Variants in ANGPT2 observed in about 807,000 individuals in gnomAD.
ANGPT2 encodes angiopoietin 2, also known as angiopoietin-2.
In ANGPT2, 28 loss-of-function variants were observed where a neutral mutation model predicts 62.9. The ratio of observed to expected loss-of-function variants is 0.44; its 90% CI spans 0.33 to 0.61. ANGPT2 has a LOEUF of 0.61. Ranked by LOEUF, ANGPT2 falls within the 20% of genes least tolerant of loss-of-function variation. The probability of loss-of-function intolerance (pLI) is 0.03; values close to 1 mark genes in which losing one functional copy is unlikely to be tolerated. For synonymous variants in ANGPT2, 284 were observed against 207.8 expected, an observed-to-expected ratio of 1.37 and a Z score of -3.15; for missense variants, 727 against 594.9, an observed-to-expected ratio of 1.22 and a Z score of -2.31.
chr8:6,536,583 C>T (rs142042260), intron 1 of ANGPT2, among the ~76,000 whole-genome samples: 1 of 152,112 alleles, frequency 6.6e-6, no homozygotes, highest in African/African-American at 2.4e-5. Context: ...AGCATCCTGA[C>T]AAAAGAATCT....
intron 1 of ANGPT2, among the ~76,000 whole-genome samples, chr8:6,556,434 A>C (rs895646960): frequency 2.0e-5 from 3 of 152,072 alleles, no homozygotes; most frequent in African/African-American, 7.2e-5. Context: ...TGTAGTGACC[A>C]AGGACTTAAC....
intron 1 of ANGPT2, among the ~76,000 whole-genome samples, chr8:6,546,660 GATAA>G (rs1228679698): frequency 1.3e-5 from 2 of 152,122 alleles, no homozygotes; most frequent in Non-Finnish European, 2.9e-5. Flanking sequence ...TTGGCCTAGA[GATAA>G]ATAGAGAAAA....
Position 6,500,088 on chromosome 8 carries a change from C to T in ANGPT2, c.*3013G>A, listed in dbSNP as rs908836693. 8.9e-6 allele frequency: 6 copies of T among 677,482 alleles called. No individual in the cohort carries two copies. Among genetic ancestry groups the T allele is most frequent in the African/African-American group, 7.1e-5 (4 of 56,028 alleles). 42.0% of individuals were successfully genotyped at this position (677,482 alleles called of 1,614,324 possible). On this transcript the variant is annotated 3_prime_UTR_variant, in exon 9 of 9. Transcript: ENST00000629816. ...ACTTAACACCTTTTATCAATTTATT[C>T]GCGAGAACAAATGTGAGAACGTGAG...
chr8:6,526,859 C>G (rs1166976454), intron 3 of ANGPT2, among the ~76,000 whole-genome samples: 2 of 152,150 alleles, frequency 1.3e-5, no homozygotes, highest in Non-Finnish European at 2.9e-5. Context: ...CATATGAAAA[C>G]AGTCCCCACC....
At chr8:6,540,127 C>G (rs1430833865) in intron 1 of ANGPT2, among the ~76,000 whole-genome samples, 2 of 152,202 alleles carry the variant, frequency 1.3e-5, no homozygotes, top group African/African-American at 2.4e-5. Flanking sequence ...TGTGCTCTGG[C>G]AAATCCTATC....
intron 1 of ANGPT2, among the ~76,000 whole-genome samples, chr8:6,558,385 C>G (rs1194615637): frequency 1.3e-5 from 2 of 152,118 alleles, no homozygotes; most frequent in Non-Finnish European, 2.9e-5. Flanking sequence ...TTAAATTACT[C>G]CCATGGCGGT....
intron 1 of ANGPT2, among the ~76,000 whole-genome samples, chr8:6,552,811 C>A (rs1823887896): frequency 7.1e-6 from 1 of 141,118 alleles, no homozygotes; most frequent in Non-Finnish European, 1.5e-5. Flanking sequence ...TACAGTTATT[C>A]CTGCTTTTTT....
chr8:6,520,089 G>T, intron 4 of ANGPT2, 98 bp from the exon 5 acceptor site: 3 of 1,406,950 alleles, frequency 2.1e-6, no homozygotes, highest in Non-Finnish European at 9.6e-7. Flanking sequence ...TTATTACTTT[G>T]GAATTCTTAA....
chr8:6,506,203 C>G (rs1586198483), intron 8 of ANGPT2, among the ~76,000 whole-genome samples: 1 of 151,858 alleles, frequency 6.6e-6, no homozygotes, highest in Admixed American at 6.6e-5. Context: ...ATATTCAGGA[C>G]TTTGACAGAT....
chr8:6,509,522 G>A (rs1048908215), intron 7 of ANGPT2, among the ~76,000 whole-genome samples: 4 of 152,168 alleles, frequency 2.6e-5, no homozygotes, highest in African/African-American at 9.6e-5. Context: ...TGAGTTTGGG[G>A]AAGAAATCTA....
chr8:6,504,361 T>C (rs1054583665), intron 8 of ANGPT2, among the ~76,000 whole-genome samples: 3 of 149,230 alleles, frequency 2.0e-5, no homozygotes, highest in Non-Finnish European at 4.4e-5. Context: ...TTAAATTGCA[T>C]GCCGTTCTGA....
At chr8:6,516,610 T>C (rs992075606) in intron 5 of ANGPT2, among the ~76,000 whole-genome samples, 18 of 152,234 alleles carry the variant, frequency 1.2e-4, no homozygotes, top group African/African-American at 4.1e-4. Flanking sequence ...CTTCTATCAA[T>C]ATTTCTTTTT....
At chr8:6,543,686 T>C (rs568768084) in intron 1 of ANGPT2, among the ~76,000 whole-genome samples, 94 of 152,322 alleles carry the variant, frequency 6.2e-4, no homozygotes, top group Middle Eastern at 3.4e-3. Flanking sequence ...GTTCGTGCTT[T>C]TCTGAACTAT....
chr8:6,499,982 A>G lies in ANGPT2; in HGVS notation c.*3119T>C. On this transcript the variant is annotated 3_prime_UTR_variant, in exon 9 of 9. Coordinates refer to ENST00000629816, the MANE Select transcript of ANGPT2 (RefSeq NM_001118887.2). ...AAATGCAGTTTGCTGTTCTCAAGAA[A>G]TTATTATAAACATAAGGGTGGACTT... 3 of 1,479,002 alleles carry G rather than the reference A, an allele frequency of 2.0e-6. No homozygotes were observed. In the South Asian group the frequency reaches 3.4e-5, roughly 17 times the overall value. 91.6% of individuals were successfully genotyped at this position (1,479,002 alleles called of 1,614,324 possible).
intron 1 of ANGPT2, among the ~76,000 whole-genome samples, chr8:6,540,613 GAT>G (rs1204949335): frequency 2.0e-5 from 3 of 152,228 alleles, no homozygotes; most frequent in Non-Finnish European, 4.4e-5. Context: ...TGCATATATA[GAT>G]ATATACACAG....
At position 6,500,917 on chromosome 8, in the gene ANGPT2, T is replaced by C. The variant is rs1812049015; in HGVS notation, c.*2184A>G. The C allele has an allele frequency of 6.6e-6, 1 of 152,208 alleles. No homozygotes were observed. The highest frequency in any genetic ancestry group is 1.5e-5 in the Non-Finnish European group (1 of 68,038). The allele number at this position is 152,208 out of a possible 1,614,324, so 9.4% of individuals were successfully genotyped here. On this transcript the variant is annotated 3_prime_UTR_variant, in exon 9 of 9. Transcript: ENST00000629816. ...TTGATATAAATTGTGTTGTTGCCAG[T>C]TTTTCCTGCATTAGCGTTTCCCTAC...
intron 1 of ANGPT2, among the ~76,000 whole-genome samples, chr8:6,543,314 G>A (rs144538736): frequency 1.3e-5 from 2 of 152,322 alleles, no homozygotes; most frequent in Non-Finnish European, 2.9e-5. Context: ...AAATGTGTTT[G>A]TACAGTTACT....
At chr8:6,532,562 C>A in intron 1 of ANGPT2, 75 bp from the exon 2 acceptor site, 1 of 948,298 alleles carries the variant, frequency 1.1e-6, no homozygotes, top group Non-Finnish European at 1.4e-6. Flanking sequence ...TTTGTCGTCT[C>A]CTCCCTATCT....
At chr8:6,521,557 C>G (rs921816292) in intron 3 of ANGPT2, 147 bp from the exon 4 acceptor site, 4 of 623,572 alleles carry the variant, frequency 6.4e-6, no homozygotes, top group African/African-American at 1.8e-5. Flanking sequence ...TAAGGAATCT[C>G]TGAAACTTGC....
Sources: gnomAD v4.1 joint callset for allele counts (sites outside exome capture counted in the v4.1 genomes callset) on GRCh38, gnomAD v4.1.1 for gene constraint, MANE v1.5 for transcripts, NCBI Gene and HGNC (gene_info 2026-07-23, HGNC 2026-07-21) for gene names.